Variants in STUM observed in about 807,000 individuals in gnomAD.
STUM encodes the protein protein stum homolog.
STUM carries 8 observed loss-of-function variants against 15.3 expected under a neutral mutation model. That is an observed-to-expected ratio of 0.52 (90% CI 0.31 to 0.94). The LOEUF (loss-of-function observed/expected upper bound fraction) is 0.94. Among genes scored for constraint, STUM ranks in the 40% least tolerant of loss-of-function variants. The probability of loss-of-function intolerance (pLI) is 0.05; values close to 1 mark genes in which losing one functional copy is unlikely to be tolerated. For synonymous variants in STUM, 78 were observed against 88.7 expected, an observed-to-expected ratio of 0.88 and a Z score of 0.68; for missense variants, 142 against 204.9, an observed-to-expected ratio of 0.69 and a Z score of 1.87.
intron 1 of STUM, among the ~76,000 whole-genome samples, chr1:226,590,009 C>A (rs1316265886): frequency 6.6e-6 from 1 of 152,094 alleles, no homozygotes; most frequent in African/African-American, 2.4e-5. Flanking sequence ...AGAGGTGGAA[C>A]CTTAGTATCT....
At chr1:226,593,346 CAG>C (rs1174740258) in intron 1 of STUM, among the ~76,000 whole-genome samples, 1 of 152,142 alleles carries the variant, frequency 6.6e-6, no homozygotes, top group African/African-American at 2.4e-5. Context: ...CACAAATGGC[CAG>C]AGTCAGTCCT....
chr1:226,577,864 T>G (rs1255715490), intron 1 of STUM, among the ~76,000 whole-genome samples: 1 of 152,048 alleles, frequency 6.6e-6, no homozygotes, highest in Non-Finnish European at 1.5e-5. Context: ...GAGGAGACAG[T>G]AGGGCGGGGG....
In STUM at chr1:226,565,070, TG is replaced by T. The variant is rs929944319; in HGVS notation, c.202+15967del. ...TCGAGCTTCCAGGTGTCTTAGCCAA[TG>T]GGAGGCACTGGTAGGCATGGAGGAA... On this transcript the variant is annotated intron_variant, in intron 1 of 3. Coordinates refer to ENST00000366788, the MANE Select transcript of STUM (RefSeq NM_001003665.4). This position sits in a 1 kb window ranked among gnomAD's most constrained non-coding sequence, Gnocchi z 4.4. 6.6e-6 allele frequency among the ~76,000 whole-genome samples: 1 copy of T among 152,182 alleles called. No individual in the cohort carries two copies. The highest frequency in any genetic ancestry group is 6.5e-5 in the Admixed American group (1 of 15,280).
At chr1:226,569,637 G>A (rs570009786) in intron 1 of STUM, among the ~76,000 whole-genome samples, 2 of 152,270 alleles carry the variant, frequency 1.3e-5, no homozygotes, top group Admixed American at 6.5e-5. Context: ...ATGGAGTGGG[G>A]CCAGATAACT....
At chr1:226,564,021 C>T (rs1298356903) in intron 1 of STUM, among the ~76,000 whole-genome samples, 2 of 152,196 alleles carry the variant, frequency 1.3e-5, no homozygotes, top group Non-Finnish European at 2.9e-5. Context: ...TCCGACTGCC[C>T]ATGGCTGAAC....
intron 1 of STUM, among the ~76,000 whole-genome samples, chr1:226,572,083 C>T (rs967748228): frequency 1.3e-5 from 2 of 152,142 alleles, no homozygotes; most frequent in African/African-American, 4.8e-5. Flanking sequence ...AAGACACTGT[C>T]GAACAAGCAC....
intron 1 of STUM, among the ~76,000 whole-genome samples, chr1:226,564,562 C>CATCT (rs1407739897): frequency 2.6e-5 from 4 of 152,194 alleles, no homozygotes; most frequent in Non-Finnish European, 5.9e-5. Flanking sequence ...TGGAACCAGG[C>CATCT]ATCTACTCTT....
chr1:226,573,636 G>A (rs943506554), intron 1 of STUM, among the ~76,000 whole-genome samples: 6 of 152,034 alleles, frequency 3.9e-5, no homozygotes, highest in Admixed American at 6.6e-5. Flanking sequence ...AAAAGAGGGG[G>A]TTTTATTTAT....
chr1:226,573,589 C>T (rs1371671706), intron 1 of STUM, among the ~76,000 whole-genome samples: 1 of 152,072 alleles, frequency 6.6e-6, no homozygotes, highest in East Asian at 1.9e-4. Flanking sequence ...CATAGTGATC[C>T]ACAGTGACAA....
At chr1:226,577,914 A>T (rs1383731806) in intron 1 of STUM, among the ~76,000 whole-genome samples, 1 of 152,104 alleles carries the variant, frequency 6.6e-6, no homozygotes, top group Non-Finnish European at 1.5e-5. Context: ...CCTTGCTTCC[A>T]CCACTAGCCC....
chr1:226,550,041 G>A (rs1427187025), intron 1 of STUM, among the ~76,000 whole-genome samples: 2 of 152,216 alleles, frequency 1.3e-5, no homozygotes, highest in East Asian at 1.9e-4. Context: ...GTGCTGGGAG[G>A]TGCCCCCCTC....
rs895859968 is a variant in STUM at position 226,608,426 on chromosome 1, G to C, written c.*6386G>C. ...TTCATTGGCTGAGTTCCCTGCTGTT[G>C]TGCGTGGTGCCATTTTTTTTTTAAA... On this transcript the variant is annotated 3_prime_UTR_variant, in exon 4 of 4. Coordinates refer to ENST00000366788, the MANE Select transcript of STUM (RefSeq NM_001003665.4). The surrounding 1 kb of genome is among the most constrained non-coding windows in gnomAD (Gnocchi z 4.0). 6.6e-6 allele frequency: 1 copy of C among 152,130 alleles called. No homozygotes were observed. The highest frequency in any genetic ancestry group is 2.4e-5 in the African/African-American group (1 of 41,418). The allele number at this position is 152,130 out of a possible 1,614,324, so 9.4% of individuals were successfully genotyped here.
intron 1 of STUM, among the ~76,000 whole-genome samples, chr1:226,570,904 A>G (rs1369038033): frequency 6.6e-6 from 1 of 152,208 alleles, no homozygotes; most frequent in Non-Finnish European, 1.5e-5. Flanking sequence ...AGCCCCAATG[A>G]TATTGAAAAA....
chr1:226,573,691 CATG>C (rs1238609449), intron 1 of STUM, among the ~76,000 whole-genome samples: 2 of 152,016 alleles, frequency 1.3e-5, no homozygotes, highest in Non-Finnish European at 2.9e-5. Flanking sequence ...AGGTGTACAG[CATG>C]ATATTTTGAT....
chr1:226,565,538 A>C lies in STUM; in HGVS notation c.202+16432A>C, dbSNP rs1041663427. 6.6e-6 allele frequency among the ~76,000 whole-genome samples: 1 copy of C among 152,238 alleles called. No individual in the cohort carries two copies. The highest frequency in any genetic ancestry group is 2.1e-4 in the South Asian group (1 of 4,836). ...CACAGTCTTCCTCCTAGAAGCTCTGAAACAGCCAGTACATGGAGCCAGGGC... is the reference window on the plus strand; with the variant it reads ...CACAGTCTTCCTCCTAGAAGCTCTGCAACAGCCAGTACATGGAGCCAGGGC... On this transcript the variant is annotated intron_variant, in intron 1 of 3. Transcript: ENST00000366788. The surrounding 1 kb of genome is among the most constrained non-coding windows in gnomAD (Gnocchi z 4.4).
chr1:226,587,048 T>A (rs1171578475), intron 1 of STUM, among the ~76,000 whole-genome samples: 1 of 152,090 alleles, frequency 6.6e-6, no homozygotes, highest in Non-Finnish European at 1.5e-5. Context: ...CAGCTTAACA[T>A]CCTGGGAAGA....
In STUM at chr1:226,603,311, A is replaced by G. The variant is rs1668303025; in HGVS notation, c.*1271A>G. The G allele has an allele frequency of 6.6e-6, 1 of 152,204 alleles. No homozygotes were observed. Among genetic ancestry groups the G allele is most frequent in the South Asian group, 2.1e-4 (1 of 4,832 alleles). The allele number at this position is 152,204 out of a possible 1,614,324, so 9.4% of individuals were successfully genotyped here. On this transcript the variant is annotated 3_prime_UTR_variant, in exon 4 of 4. Transcript: ENST00000366788. ...GTGATTGGGACAGGGCTAGATCCCT[A>G]ATGGGGGCTAGGGGTGGGGAGAATC...
chr1:226,556,240 G>A (rs1440762462), intron 1 of STUM, among the ~76,000 whole-genome samples: 1 of 151,798 alleles, frequency 6.6e-6, no homozygotes, highest in African/African-American at 2.4e-5. Context: ...AAGCAGAGGA[G>A]GGCTTCCTTC....
chr1:226,551,137 C>T (rs1235299747), intron 1 of STUM, among the ~76,000 whole-genome samples: 1 of 151,986 alleles, frequency 6.6e-6, no homozygotes, highest in Non-Finnish European at 1.5e-5. Context: ...CAGGCTCCTG[C>T]TCCTCTCCAC....
Sources: gnomAD v4.1 joint callset for allele counts (sites outside exome capture counted in the v4.1 genomes callset) on GRCh38, gnomAD v4.1.1 for gene constraint, Gnocchi (gnomAD v3.1) non-coding constraint, MANE v1.5 for transcripts, NCBI Gene and HGNC (gene_info 2026-07-23, HGNC 2026-07-21) for gene names.